STAG1: variants seen among roughly 807,000 people sequenced by gnomAD.
The protein encoded by STAG1 is STAG1 cohesin complex component.
A neutral mutation model predicts 170.9 loss-of-function variants in STAG1; 26 were observed. That is an observed-to-expected ratio of 0.15 (90% CI 0.11 to 0.21). STAG1 has a LOEUF of 0.21. STAG1 is among the 10% of genes least tolerant of loss of function. STAG1 has a pLI of 1.00. For missense variants in STAG1, 964 were observed against 1,509.5 expected (o/e 0.64, Z 5.99); for synonymous variants, 514 against 497.7 (o/e 1.03, Z -0.44).
chr3:136,389,751 C>CTA (rs2108325525), intron 22 of STAG1, among the ~76,000 whole-genome samples: 1 of 151,962 alleles, frequency 6.6e-6, no homozygotes, highest in Non-Finnish European at 1.5e-5. Flanking sequence ...AACTCCTGAC[C>CTA]TCAGGTGATC....
chr3:136,595,436 T>C (rs1047173083), intron 4 of STAG1, among the ~76,000 whole-genome samples: 1 of 152,004 alleles, frequency 6.6e-6, no homozygotes, highest in Non-Finnish European at 1.5e-5. Context: ...TTCTATAAAT[T>C]TGAACTTTCT....
At chr3:136,369,033 A>T (rs1445890157) in intron 24 of STAG1, 75 bp downstream of exon 24, 4 of 1,316,680 alleles carry the variant, frequency 3.0e-6, no homozygotes, top group African/African-American at 3.1e-5. Context: ...TTTAGAACTG[A>T]ATTTGTTTCT....
At chr3:136,352,638 G>A (rs1936477450) in intron 28 of STAG1, among the ~76,000 whole-genome samples, 1 of 152,098 alleles carries the variant, frequency 6.6e-6, no homozygotes, top group South Asian at 2.1e-4. Flanking sequence ...TTTACTTTAT[G>A]ATAGTGCTTT....
chr3:136,496,935 AG>A (rs1326794733), intron 9 of STAG1, among the ~76,000 whole-genome samples: 2 of 152,104 alleles, frequency 1.3e-5, no homozygotes, highest in Non-Finnish European at 2.9e-5. Context: ...GGAGAGAGAG[AG>A]AGATGTTAAA....
chr3:136,472,553 T>C, intron 11 of STAG1, 61 bp from the exon 12 acceptor site: 1 of 1,177,656 alleles, frequency 8.5e-7, no homozygotes, highest in Non-Finnish European at 1.3e-6. Context: ...GGGACAGATC[T>C]AATATAATGT....
intron 26 of STAG1, among the ~76,000 whole-genome samples, chr3:136,362,481 G>C (rs1171254100): frequency 6.7e-6 from 1 of 149,772 alleles, no homozygotes; most frequent in Non-Finnish European, 1.5e-5. Context: ...AATTTATACA[G>C]ATTGGCTGGG....
chr3:136,563,526 G>A (rs752571930), intron 5 of STAG1, among the ~76,000 whole-genome samples: 1 of 150,404 alleles, frequency 6.6e-6, no homozygotes, highest in African/African-American at 2.5e-5. Flanking sequence ...ACACACGCAC[G>A]CACGCACAAA....
intron 6 of STAG1, among the ~76,000 whole-genome samples, chr3:136,523,534 T>A (rs184952347): frequency 2.0e-5 from 3 of 152,070 alleles, no homozygotes; most frequent in African/African-American, 7.2e-5. Context: ...TCTTCTCCCA[T>A]TCTGTAGGTT....
rs1222602347 is a variant in STAG1 at position 136,338,034 on chromosome 3, G to T, written c.*220C>A. ...ATAAGTCCAATAGTAGGACACAAAT[G>T]ATTTTCAGGTCAGTCTTTCTGAGTT... On this transcript the variant is annotated 3_prime_UTR_variant, in exon 34 of 34. Transcript: ENST00000383202. The T allele has an allele frequency of 3.8e-6, 2 of 531,406 alleles. No homozygotes were observed. The highest frequency in any genetic ancestry group is 7.1e-5 in the Admixed American group (2 of 28,070). 32.9% of individuals were successfully genotyped at this position (531,406 alleles called of 1,614,324 possible).
At chr3:136,699,668 C>A (rs987461025) in intron 1 of STAG1, among the ~76,000 whole-genome samples, 11 of 150,802 alleles carry the variant, frequency 7.3e-5, no homozygotes, top group Admixed American at 6.0e-4. Context: ...TGAAGTAACT[C>A]AGGAATGGAA....
chr3:136,629,533 G>A (rs1157365833), intron 2 of STAG1, among the ~76,000 whole-genome samples: 3 of 151,824 alleles, frequency 2.0e-5, no homozygotes, highest in Non-Finnish European at 1.5e-5. Flanking sequence ...AGGTACAGGG[G>A]TAAAAAAGAA....
At chr3:136,400,708 G>C (rs1289325028) in intron 21 of STAG1, among the ~76,000 whole-genome samples, 1 of 151,916 alleles carries the variant, frequency 6.6e-6, no homozygotes, top group Non-Finnish European at 1.5e-5. Context: ...GCTAATTTTT[G>C]TATTTTTAGT....
At chr3:136,485,487 C>G (rs1399417009) in intron 9 of STAG1, among the ~76,000 whole-genome samples, 2 of 152,028 alleles carry the variant, frequency 1.3e-5, no homozygotes, top group Non-Finnish European at 2.9e-5. Context: ...CTACTATAAA[C>G]TGTGAGGTGT....
chr3:136,669,052 C>T (rs1448870494), intron 1 of STAG1, among the ~76,000 whole-genome samples: 1 of 152,122 alleles, frequency 6.6e-6, no homozygotes, highest in Non-Finnish European at 1.5e-5. Context: ...TATTACAATC[C>T]CTCCTTCAAC....
At chr3:136,630,226 T>C (rs1940278057) in intron 2 of STAG1, among the ~76,000 whole-genome samples, 1 of 152,048 alleles carries the variant, frequency 6.6e-6, no homozygotes, top group Non-Finnish European at 1.5e-5. Context: ...TAAGTCCCAA[T>C]TCTAAATCTG....
At chr3:136,722,629 TCTCCCTCTCCCC>T (rs1247750589) in intron 1 of STAG1, among the ~76,000 whole-genome samples, 6 of 147,726 alleles carry the variant, frequency 4.1e-5, no homozygotes, top group East Asian at 4.0e-4. Context: ...TCCCTCTCCC[TCTCCCTCTCCCC>T]CTCCCTCTCC....
chr3:136,408,433 G>C (rs2087541636), intron 21 of STAG1, among the ~76,000 whole-genome samples: 1 of 151,918 alleles, frequency 6.6e-6, no homozygotes, highest in Admixed American at 6.6e-5. Flanking sequence ...AAACAGAAAG[G>C]TTCTGATGTG....
rs566236353 is a variant in STAG1 at position 136,495,240 on chromosome 3, T to A, written c.902+4983A>T. ...GTGCTGGGAAAACTGAAAATTTGTA[T>A]GCAAAAAGTAGACTTCTGCCCTTAT... On this transcript the variant is annotated intron_variant, in intron 9 of 33. Transcript: ENST00000383202. Among the ~76,000 whole-genome samples the A allele has an allele frequency of 2.6e-5, 4 of 152,272 alleles. No individual in the cohort carries two copies. The East Asian group carries it at 7.7e-4, about 29-fold the overall frequency.
At chr3:136,367,150 T>C in intron 24 of STAG1, 68 bp from the exon 25 acceptor site, 4 of 1,295,284 alleles carry the variant, frequency 3.1e-6, no homozygotes, top group Non-Finnish European at 4.3e-6. Context: ...GCAGATAATC[T>C]GTATAATTGA....
Sources: allele counts gnomAD v4.1 joint callset (sites outside exome capture counted in the v4.1 genomes callset), GRCh38; gene constraint gnomAD v4.1.1; transcripts MANE v1.5; gene names NCBI Gene and HGNC (gene_info 2026-07-23, HGNC 2026-07-21).